The following CDH19 variants were observed in gnomAD, a reference collection of about 807,000 sequenced individuals.
The protein encoded by CDH19 is cadherin 19, also known as cadherin-19.
In CDH19, 67 loss-of-function variants were observed where a neutral mutation model predicts 64.2. The ratio of observed to expected loss-of-function variants is 1.04; its 90% confidence interval spans 0.86 to 1.28. The LOEUF is 1.28. Among genes scored for constraint, CDH19 ranks in the 50% most tolerant of loss-of-function variants. CDH19 has a pLI of 0.00. For missense variants in CDH19, 1,030 were observed against 929.0 expected, an observed-to-expected ratio of 1.11 and a Z score of -1.41; for synonymous variants, 346 against 319.3, an observed-to-expected ratio of 1.08 and a Z score of -0.89.
At chr18:66,514,214 G>C (rs577807031) in intron 9 of CDH19, among the ~76,000 whole-genome samples, 1 of 151,458 alleles carries the variant, frequency 6.6e-6, no homozygotes, top group East Asian at 1.9e-4. Flanking sequence ...AGTAAGTGTA[G>C]CCCTCTAGGA....
intron 5 of CDH19, among the ~76,000 whole-genome samples, chr18:66,547,570 T>G (rs1987163870): frequency 6.6e-6 from 1 of 151,712 alleles, no homozygotes; most frequent in Admixed American, 6.6e-5. Context: ...GAAACCTGGA[T>G]GTGTGGGTAC....
At chr18:66,536,328 C>T (rs1050330013) in intron 7 of CDH19, among the ~76,000 whole-genome samples, 12 of 151,778 alleles carry the variant, frequency 7.9e-5, no homozygotes, top group Non-Finnish European at 1.6e-4. Context: ...ATAGAAATCA[C>T]GAGGAATTAA....
intron 1 of CDH19, among the ~76,000 whole-genome samples, chr18:66,583,149 A>T (rs1327382190): frequency 6.6e-6 from 1 of 152,020 alleles, no homozygotes; most frequent in East Asian, 1.9e-4. Flanking sequence ...CTGATTTTTT[A>T]AAATTATTGT....
chr18:66,549,180 T>G (rs1009450258), intron 5 of CDH19, among the ~76,000 whole-genome samples: 2 of 152,054 alleles, frequency 1.3e-5, no homozygotes, highest in African/African-American at 2.4e-5. Context: ...TAAAGATAAT[T>G]TTAAAAGATA....
rs919959612 is a variant in CDH19, at chr18:66,568,447, A to G, written c.459T>C (p.Tyr153=). 1 of 1,611,740 alleles carries G rather than the reference A, an allele frequency of 6.2e-7. No individual in the cohort carries two copies. Among genetic ancestry groups the G allele is most frequent in the African/African-American group, 1.3e-5 (1 of 74,758 alleles). The change falls in exon 3 of 12, where the codon TAT becomes TAC. Residue 153 remains tyrosine (Y), a synonymous_variant. Coordinates refer to ENST00000262150, the MANE Select transcript of CDH19 (RefSeq NM_021153.4). Reference sequence around the variant, plus strand: ...GAGACATCTCTGGTACAATGGCCTCATAAGGTTCATCTAGGAATTTTGGTT... The same window carrying G: ...GAGACATCTCTGGTACAATGGCCTCGTAAGGTTCATCTAGGAATTTTGGTT... ...DNEPKFLDEP[Y]EAIVPEMSPE...
chr18:66,592,839 A>C (rs1209291135), intron 1 of CDH19, among the ~76,000 whole-genome samples: 1 of 151,886 alleles, frequency 6.6e-6, no homozygotes, highest in South Asian at 2.1e-4. Context: ...ATTGCAATAC[A>C]TATATTGCAA....
intron 11 of CDH19, among the ~76,000 whole-genome samples, chr18:66,505,562 TATATATATAATATA>T (rs552069076): frequency 1.1e-5 from 1 of 89,040 alleles, no homozygotes; most frequent in South Asian, 2.9e-4. Context: ...TATATATTAA[TATATATATAATATA>T]ATATATATAG....
chr18:66,520,826 A>G (rs372899271), intron 9 of CDH19, among the ~76,000 whole-genome samples: 3 of 152,074 alleles, frequency 2.0e-5, no homozygotes, highest in East Asian at 3.9e-4. Context: ...GTAATACAAG[A>G]AAACGTTGCT....
At chr18:66,521,607 A>G (rs905913555) in intron 9 of CDH19, among the ~76,000 whole-genome samples, 1 of 151,530 alleles carries the variant, frequency 6.6e-6, no homozygotes, top group Non-Finnish European at 1.5e-5. Context: ...GCAATCATAG[A>G]TCATTGCAGC....
chr18:66,579,911 A>G (rs553279102), intron 1 of CDH19, among the ~76,000 whole-genome samples: 1 of 152,154 alleles, frequency 6.6e-6, no homozygotes, highest in African/African-American at 2.4e-5. Flanking sequence ...TATTGGTATT[A>G]GAAATGACAG....
chr18:66,581,697 C>A (rs1246458065), intron 1 of CDH19, among the ~76,000 whole-genome samples: 1 of 152,018 alleles, frequency 6.6e-6, no homozygotes, highest in Non-Finnish European at 1.5e-5. Context: ...AGGCTTTTGG[C>A]CACTGAAGGC....
chr18:66,547,775 C>T (rs2144502125), intron 5 of CDH19, among the ~76,000 whole-genome samples: 1 of 133,472 alleles, frequency 7.5e-6, no homozygotes, highest in East Asian at 2.2e-4. Context: ...TCACGCCATT[C>T]TCCTGCCTCA....
Position 66,504,872 on chromosome 18 carries a change from C to G in CDH19, c.2259G>C (p.Leu753Phe). The change falls in exon 12 of 12, where the codon TTG becomes TTC. Residue 753 changes from leucine to phenylalanine, a missense_variant. By Grantham distance (22) the Leu-to-Phe change is conservative. Coordinates refer to ENST00000262150, the MANE Select transcript of CDH19 (RefSeq NM_021153.4). Reference sequence around the variant, plus strand: ...ATGCTAATCTTTTAAAGCGAGGTCCCAACTCATTAAGGTAATCATAGCTTT... The same window carrying G: ...ATGCTAATCTTTTAAAGCGAGGTCCGAACTCATTAAGGTAATCATAGCTTT... ...QDESYDYLNE[L>F]GPRFKRLACM... 1 of 1,612,354 alleles carries G rather than the reference C, an allele frequency of 6.2e-7. No homozygotes were observed. The highest frequency in any genetic ancestry group is 8.5e-7 in the Non-Finnish European group (1 of 1,178,868).
At chr18:66,578,708 A>C (rs969956823) in intron 1 of CDH19, among the ~76,000 whole-genome samples, 1 of 151,978 alleles carries the variant, frequency 6.6e-6, no homozygotes, top group Non-Finnish European at 1.5e-5. Flanking sequence ...CATGAATATC[A>C]GAGCAGGTTT....
intron 3 of CDH19, among the ~76,000 whole-genome samples, chr18:66,563,309 T>C (rs1011282048): frequency 2.6e-5 from 4 of 152,112 alleles, no homozygotes; most frequent in Admixed American, 2.0e-4. Context: ...TAGAATGTTA[T>C]ATTTTATTCA....
chr18:66,507,757 T>C (rs1985273529), intron 11 of CDH19, among the ~76,000 whole-genome samples: 1 of 151,968 alleles, frequency 6.6e-6, no homozygotes, highest in Admixed American at 6.6e-5. Flanking sequence ...CTGTCCTTTT[T>C]ATTCACAAAA....
chr18:66,567,054 C>G (rs1295350314), intron 3 of CDH19, among the ~76,000 whole-genome samples: 1 of 151,768 alleles, frequency 6.6e-6, no homozygotes, highest in Non-Finnish European at 1.5e-5. Context: ...ATCATCATAC[C>G]TCACCCATAC....
At chr18:66,517,943 C>A (rs1430371835) in intron 9 of CDH19, among the ~76,000 whole-genome samples, 1 of 151,758 alleles carries the variant, frequency 6.6e-6, no homozygotes, top group African/African-American at 2.4e-5. Flanking sequence ...GCATTACATA[C>A]TCATATTTTC....
At chr18:66,567,512 T>G (rs1486307032) in intron 3 of CDH19, among the ~76,000 whole-genome samples, 1 of 151,910 alleles carries the variant, frequency 6.6e-6, no homozygotes, top group Non-Finnish European at 1.5e-5. Flanking sequence ...TTTAAAGACC[T>G]ATGTTCCAAA....
Sources: allele counts gnomAD v4.1 joint callset (sites outside exome capture counted in the v4.1 genomes callset), GRCh38; gene constraint gnomAD v4.1.1; transcripts MANE v1.5; gene names NCBI Gene and HGNC (gene_info 2026-07-23, HGNC 2026-07-21).